The following KIRREL3 variants were observed in gnomAD, a reference collection of about 807,000 sequenced individuals.
KIRREL3 encodes the protein kin of IRRE-like protein 3.
In KIRREL3, 36 loss-of-function variants were observed where a neutral mutation model predicts 89.7. The ratio of observed to expected loss-of-function variants is 0.40; its 90% CI spans 0.31 to 0.53. The LOEUF (loss-of-function observed/expected upper bound fraction) is 0.53, where lower values mean the gene tolerates loss of function less well. KIRREL3 is among the 20% of genes least tolerant of loss of function. The pLI, the probability that KIRREL3 is intolerant of heterozygous loss-of-function variation, is 0.49. For missense variants in KIRREL3, 864 were observed against 1,056.6 expected, an observed-to-expected ratio of 0.82 and a Z score of 2.53; for synonymous variants, 445 against 441.4, an observed-to-expected ratio of 1.01 and a Z score of -0.10.
chr11:126,754,282 A>C lies in KIRREL3; in HGVS notation c.56-191370T>G, dbSNP rs1949423683. On this transcript the variant is annotated intron_variant, in intron 1 of 16. Transcript: ENST00000525144. The surrounding 1 kb of genome is among the most constrained non-coding windows in gnomAD (Gnocchi z 5.1). ...AATTTATTGCATTAGCTTTGAGAAG[A>C]CTTTTAATAGAAAGTGAGATTAAAA... Among the ~76,000 whole-genome samples the C allele has an allele frequency of 2.6e-5, 4 of 152,222 alleles. No homozygotes were observed. Among genetic ancestry groups the C allele is most frequent in the Admixed American group, 2.6e-4 (4 of 15,288 alleles).
chr11:126,914,730 T>C (rs1946968563), intron 1 of KIRREL3, among the ~76,000 whole-genome samples: 1 of 152,244 alleles, frequency 6.6e-6, no homozygotes, highest in Non-Finnish European at 1.5e-5. Context: ...CATGTTTGAA[T>C]GAAAATATCT....
intron 1 of KIRREL3, among the ~76,000 whole-genome samples, chr11:126,741,115 G>A (rs181685843): frequency 6.6e-6 from 1 of 152,270 alleles, no homozygotes; most frequent in East Asian, 1.9e-4. Context: ...TCAGGTCAAA[G>A]ACAGACTCTC....
chr11:126,772,165 G>T lies in KIRREL3; in HGVS notation c.56-209253C>A, dbSNP rs905552592. 6.6e-6 allele frequency among the ~76,000 whole-genome samples: 1 copy of T among 152,176 alleles called. No individual in the cohort carries two copies. The highest frequency in any genetic ancestry group is 2.4e-5 in the African/African-American group (1 of 41,442). On this transcript the variant is annotated intron_variant, in intron 1 of 16. Transcript: ENST00000525144. This position sits in a 1 kb window ranked among gnomAD's most constrained non-coding sequence, Gnocchi z 4.6. The stretch of plus-strand genomic sequence containing the variant: ...GTTCTAGATTCCTCAACCTGAGCAG[G>T]TTCATATGGTTTTGCTGAATTCTCC...
intron 1 of KIRREL3, among the ~76,000 whole-genome samples, chr11:126,858,292 C>A (rs909605783): frequency 2.0e-5 from 3 of 152,160 alleles, no homozygotes; most frequent in African/African-American, 7.2e-5. Flanking sequence ...TTTGATGAAG[C>A]AATAGGACTT....
In KIRREL3 at chr11:126,424,867, C is replaced by G; in HGVS notation, c.2050G>C (p.Gly684Arg). 6.2e-7 allele frequency: 1 copy of G among 1,613,800 alleles called. No homozygotes were observed. Among genetic ancestry groups the G allele is most frequent in the Non-Finnish European group, 8.5e-7 (1 of 1,179,734 alleles). Residue 684 changes from glycine (G) to arginine (R), a missense_variant, in exon 17 of 17, where the codon GGC (glycine) becomes CGC (arginine). Physicochemically the swap from Gly to Arg is moderately radical, Grantham distance 125. Transcript: ENST00000525144. Reference protein sequence around the residue: ...SFTNIYSTLSGQGRLYDYGQR... With the variant: ...SFTNIYSTLSRQGRLYDYGQR... ...CCGTAGTCGTAGAGGCGGCCCTGGC[C>G]GCTCAGGGTGCTGTAGATGTTGGTG...
At position 126,780,693 on chromosome 11, in the gene KIRREL3, G is replaced by T. The variant is rs1950302085; in HGVS notation, c.56-217781C>A. Among the ~76,000 whole-genome samples, 1 of 152,228 alleles carries T rather than the reference G, an allele frequency of 6.6e-6. No homozygotes were observed. The highest frequency in any genetic ancestry group is 1.9e-4 in the East Asian group (1 of 5,198). ...TTGAGACACAAGCCAGGCCACCTGT[G>T]CTAGGCTGGCAGGTGTATCCAGGGC... On this transcript the variant is annotated intron_variant, in intron 1 of 16. Coordinates refer to ENST00000525144, the MANE Select transcript of KIRREL3 (RefSeq NM_032531.4). This position sits in a 1 kb window ranked among gnomAD's most constrained non-coding sequence, Gnocchi z 5.3.
chr11:126,739,497 C>T lies in KIRREL3; in HGVS notation c.56-176585G>A, dbSNP rs1401728257. Among the ~76,000 whole-genome samples, 2 of 152,224 alleles carry T rather than the reference C, an allele frequency of 1.3e-5. No homozygotes were observed. The highest frequency in any genetic ancestry group is 2.4e-5 in the African/African-American group (1 of 41,462). ...TCAGTGTGCCAGGTGCAGGTAGCGT[C>T]ATGTGCCCTACCTGGGTCTTAAGGA... On this transcript the variant is annotated intron_variant, in intron 1 of 16. Coordinates refer to ENST00000525144, the MANE Select transcript of KIRREL3 (RefSeq NM_032531.4). The surrounding 1 kb of genome is among the most constrained non-coding windows in gnomAD (Gnocchi z 5.5).
chr11:126,759,199 G>T (rs555823394), intron 1 of KIRREL3, among the ~76,000 whole-genome samples: 1 of 152,112 alleles, frequency 6.6e-6, no homozygotes, highest in Non-Finnish European at 1.5e-5. Flanking sequence ...GTGCGATCTC[G>T]GCTTGCTGCA....
rs568946188 is a variant in KIRREL3, at chr11:126,736,015, C to A, written c.56-173103G>T. Among the ~76,000 whole-genome samples, 1 of 152,308 alleles carries A rather than the reference C, an allele frequency of 6.6e-6. No homozygotes were observed. The highest frequency in any genetic ancestry group is 2.1e-4 in the South Asian group (1 of 4,824). On this transcript the variant is annotated intron_variant, in intron 1 of 16. Transcript: ENST00000525144. The surrounding 1 kb of genome is among the most constrained non-coding windows in gnomAD (Gnocchi z 5.0). ...CTGCATTTATGAATCCTCAATTAGTCCTGACTTTGCTTGAGAGTTTTTATG... is the reference window on the plus strand; with the variant it reads ...CTGCATTTATGAATCCTCAATTAGTACTGACTTTGCTTGAGAGTTTTTATG...
intron 1 of KIRREL3, among the ~76,000 whole-genome samples, chr11:126,967,903 A>C (rs1949319709): frequency 6.6e-6 from 1 of 152,136 alleles, no homozygotes; most frequent in Admixed American, 6.5e-5. Flanking sequence ...TACCCTGCCC[A>C]AAATATCAAT....
intron 4 of KIRREL3, among the ~76,000 whole-genome samples, chr11:126,480,648 C>T (rs1957191777): frequency 6.6e-6 from 1 of 152,226 alleles, no homozygotes; most frequent in Non-Finnish European, 1.5e-5. Context: ...CCCTAGAGCT[C>T]TGCGAAGCGG....
In KIRREL3 at chr11:126,640,776, A is replaced by C. The variant is rs529235854; in HGVS notation, c.56-77864T>G. Among the ~76,000 whole-genome samples, 105 of 152,234 alleles carry C rather than the reference A, an allele frequency of 6.9e-4. No individual in the cohort carries two copies. The highest frequency in any genetic ancestry group is 2.4e-3 in the African/African-American group (101 of 41,544). On this transcript the variant is annotated intron_variant, in intron 1 of 16. Coordinates refer to ENST00000525144, the MANE Select transcript of KIRREL3 (RefSeq NM_032531.4). This position sits in a 1 kb window ranked among gnomAD's most constrained non-coding sequence, Gnocchi z 4.9. ...TCAGAATGGAGGCATGCATGAAAGA[A>C]TATTCCTGGGTTCTCCATTCTAGTC...
chr11:126,506,350 C>T lies in KIRREL3; in HGVS notation c.433+14965G>A, dbSNP rs149194699. Among the ~76,000 whole-genome samples the T allele has an allele frequency of 4.4e-4, 67 of 152,198 alleles. No individual in the cohort carries two copies. The East Asian group carries it at 7.7e-3, about 17-fold the overall frequency. ...AAACTGAGAGAAAATATTTGCAAGTCGTATATCTGGTAAAGGACTTGTATC... is the reference window on the plus strand; with the variant it reads ...AAACTGAGAGAAAATATTTGCAAGTTGTATATCTGGTAAAGGACTTGTATC... On this transcript the variant is annotated intron_variant, in intron 4 of 16. Transcript: ENST00000525144.
intron 4 of KIRREL3, among the ~76,000 whole-genome samples, chr11:126,510,244 C>A (rs1179103838): frequency 1.3e-5 from 2 of 152,146 alleles, no homozygotes; most frequent in East Asian, 3.9e-4. Context: ...AGCTCCAGAA[C>A]TGGCAGATTT....
chr11:126,789,672 C>T (rs1437682042), intron 1 of KIRREL3, among the ~76,000 whole-genome samples: 1 of 152,162 alleles, frequency 6.6e-6, no homozygotes, highest in Non-Finnish European at 1.5e-5. Flanking sequence ...TTGTAGGAAG[C>T]ATTCCACCAC....
intron 4 of KIRREL3, among the ~76,000 whole-genome samples, chr11:126,487,228 C>T (rs553965754): frequency 1.3e-5 from 2 of 152,068 alleles, no homozygotes; most frequent in African/African-American, 4.8e-5. Context: ...GCCAGCAGGG[C>T]AGGCAGGAGG....
chr11:126,746,935 C>A (rs1949171700), intron 1 of KIRREL3, among the ~76,000 whole-genome samples: 1 of 152,228 alleles, frequency 6.6e-6, no homozygotes, highest in Non-Finnish European at 1.5e-5. Context: ...TTGTGGACCA[C>A]ACTGAGGATA....
At chr11:126,545,756 G>C (rs965377820) in intron 2 of KIRREL3, among the ~76,000 whole-genome samples, 1 of 152,208 alleles carries the variant, frequency 6.6e-6, no homozygotes, top group Admixed American at 6.5e-5. Flanking sequence ...GACAGAAGGT[G>C]GCAAGGCTTT....
rs1434222904 is a variant in KIRREL3, at chr11:126,570,743, G to A, written c.56-7831C>T. 6.6e-6 allele frequency among the ~76,000 whole-genome samples: 1 copy of A among 152,156 alleles called. No homozygotes were observed. Among genetic ancestry groups the A allele is most frequent in the African/African-American group, 2.4e-5 (1 of 41,454 alleles). On this transcript the variant is annotated intron_variant, in intron 1 of 16. Coordinates refer to ENST00000525144, the MANE Select transcript of KIRREL3 (RefSeq NM_032531.4). This position sits in a 1 kb window ranked among gnomAD's most constrained non-coding sequence, Gnocchi z 6.1. Reference sequence around the variant, plus strand: ...CATTATCAGCAACTCCTCACCACCAGCTGTGGGGTCTAGAATTATCTGTGC... The same window carrying A: ...CATTATCAGCAACTCCTCACCACCAACTGTGGGGTCTAGAATTATCTGTGC...
Sources: allele counts gnomAD v4.1 joint callset (sites outside exome capture counted in the v4.1 genomes callset), GRCh38; gene constraint gnomAD v4.1.1; non-coding constraint Gnocchi (gnomAD v3.1); transcripts MANE v1.5; gene names NCBI Gene and HGNC (gene_info 2026-07-23, HGNC 2026-07-21).